The following ST18 variants were observed in gnomAD, a reference collection of about 807,000 sequenced individuals.
ST18 encodes ST18 C2H2C-type zinc finger transcription factor.
Under a neutral mutation model 110.0 loss-of-function variants are expected in ST18, and 50 were observed. That is an observed-to-expected ratio of 0.45 (90% CI 0.36 to 0.58). The LOEUF (loss-of-function observed/expected upper bound fraction) is 0.58. Ranked by LOEUF, ST18 falls within the 20% of genes least tolerant of loss-of-function variation. The pLI is 0.00. For synonymous variants in ST18, 461 were observed against 452.4 expected (o/e 1.02, Z -0.24); for missense variants, 1,306 against 1,280.1 (o/e 1.02, Z -0.31).
chr8:52,243,147 T>C (rs1166987058), intron 2 of ST18, among the ~76,000 whole-genome samples: 1 of 152,292 alleles, frequency 6.6e-6, no homozygotes, highest in South Asian at 2.1e-4. Context: ...GGTTAATTGG[T>C]GTGCTAAATA....
chr8:52,291,754 AG>A (rs2095558940), intron 2 of ST18, among the ~76,000 whole-genome samples: 2 of 151,990 alleles, frequency 1.3e-5, no homozygotes, highest in Admixed American at 6.6e-5. Context: ...TAAATAAACA[AG>A]GTTTTTTTTT....
At chr8:52,346,003 A>T (rs1160396980) in intron 2 of ST18, among the ~76,000 whole-genome samples, 1 of 152,118 alleles carries the variant, frequency 6.6e-6, no homozygotes, top group African/African-American at 2.4e-5. Context: ...CTAGAAAGAG[A>T]AAGATCAAAT....
At chr8:52,209,778 A>ATATAT (rs1279474362) in intron 8 of ST18, among the ~76,000 whole-genome samples, 2 of 136,394 alleles carry the variant, frequency 1.5e-5, no homozygotes, top group African/African-American at 5.5e-5. Flanking sequence ...CTCAAAAAAA[A>ATATAT]AAAAAAAAAA....
intron 2 of ST18, among the ~76,000 whole-genome samples, chr8:52,357,676 AATAT>A (rs71252934): frequency 0.034 from 1,285 of 37,766 alleles, 13 homozygotes; most frequent in East Asian, 0.043. Flanking sequence ...AAAATCTATA[AATAT>A]ATATATATAT....
chr8:52,259,475 A>G (rs2094617333), intron 2 of ST18, among the ~76,000 whole-genome samples: 2 of 152,210 alleles, frequency 1.3e-5, no homozygotes, highest in Non-Finnish European at 2.9e-5. Context: ...TTATATTTAT[A>G]GTCAATAAGA....
chr8:52,279,365 T>C (rs541521850), intron 2 of ST18, among the ~76,000 whole-genome samples: 8 of 152,114 alleles, frequency 5.3e-5, no homozygotes, highest in Admixed American at 6.5e-5. Flanking sequence ...ACTCAGACTA[T>C]AGCACAAACA....
intron 2 of ST18, among the ~76,000 whole-genome samples, chr8:52,347,544 G>A (rs1052509275): frequency 6.6e-6 from 1 of 151,668 alleles, no homozygotes; most frequent in Non-Finnish European, 1.5e-5. Flanking sequence ...AGAGGAGAGA[G>A]GGATAGAATA....
intron 2 of ST18, among the ~76,000 whole-genome samples, chr8:52,251,743 C>G (rs1288714533): frequency 6.6e-6 from 1 of 152,012 alleles, no homozygotes; most frequent in African/African-American, 2.4e-5. Flanking sequence ...TTAAATTTAT[C>G]CTTTCACCAG....
intron 2 of ST18, among the ~76,000 whole-genome samples, chr8:52,231,772 G>A (rs530315003): frequency 5.4e-4 from 82 of 152,356 alleles, no homozygotes; most frequent in African/African-American, 1.8e-3. Flanking sequence ...GCAGTGCCCG[G>A]CCGGGTGGCT....
chr8:52,324,057 G>A (rs920731875), intron 2 of ST18, among the ~76,000 whole-genome samples: 1 of 152,150 alleles, frequency 6.6e-6, no homozygotes, highest in Non-Finnish European at 1.5e-5. Context: ...TTGTTCCTTG[G>A]CTATGGCGAG....
In ST18 at chr8:52,212,124, A is replaced by C; in HGVS notation, c.56-15T>G. On this transcript the variant is annotated splice_polypyrimidine_tract_variant and intron_variant, in intron 7 of 25. Coordinates refer to ENST00000689386, the MANE Select transcript of ST18 (RefSeq NM_001352837.2). ...ATCCATTGGCACTGTTGACAAAAGA[A>C]GAAAAAAAAGAAGACTTAATCAGTT... 6.3e-7 allele frequency: 1 copy of C among 1,596,128 alleles called. No homozygotes were observed. The highest frequency in any genetic ancestry group is 8.5e-7 in the Non-Finnish European group (1 of 1,176,186).
chr8:52,299,773 A>G (rs1385004220), intron 2 of ST18, among the ~76,000 whole-genome samples: 5 of 152,234 alleles, frequency 3.3e-5, no homozygotes, highest in Non-Finnish European at 5.9e-5. Flanking sequence ...GTATGAACTC[A>G]GGCCAAAAGT....
chr8:52,114,222 G>A (rs1417637201), intron 25 of ST18, among the ~76,000 whole-genome samples: 4 of 151,784 alleles, frequency 2.6e-5, no homozygotes, highest in African/African-American at 9.7e-5. Flanking sequence ...CACCCGCTTC[G>A]GCCTCCCAAA....
intron 8 of ST18, among the ~76,000 whole-genome samples, chr8:52,205,396 C>T (rs2079595561): frequency 6.6e-6 from 1 of 151,808 alleles, no homozygotes. Context: ...GATAGGTCAT[C>T]ACTTGGGAGA....
intron 2 of ST18, among the ~76,000 whole-genome samples, chr8:52,310,928 G>A (rs2095895735): frequency 6.6e-6 from 1 of 152,186 alleles, no homozygotes; most frequent in African/African-American, 2.4e-5. Flanking sequence ...TGTGGCAGCA[G>A]TCACCAGGAA....
intron 8 of ST18, among the ~76,000 whole-genome samples, chr8:52,200,054 T>A (rs917484201): frequency 6.6e-6 from 1 of 152,320 alleles, no homozygotes; most frequent in South Asian, 2.1e-4. Flanking sequence ...TCCAGTGCCT[T>A]CTATAGCACT....
At chr8:52,175,376 G>C (rs936381171) in intron 9 of ST18, among the ~76,000 whole-genome samples, 1 of 152,140 alleles carries the variant, frequency 6.6e-6, no homozygotes. Context: ...TATTGAGAAG[G>C]CTCAACTCAG....
chr8:52,332,358 A>G (rs1015144213), intron 2 of ST18, among the ~76,000 whole-genome samples: 1 of 152,092 alleles, frequency 6.6e-6, no homozygotes, highest in Non-Finnish European at 1.5e-5. Context: ...TCTAAGAAAT[A>G]TCTTCAAGTG....
chr8:52,319,992 A>G (rs1803167160), intron 2 of ST18, among the ~76,000 whole-genome samples: 1 of 152,156 alleles, frequency 6.6e-6, no homozygotes, highest in South Asian at 2.1e-4. Context: ...GCCATACTTT[A>G]CTGGTTGAAA....
Sources: gnomAD v4.1 joint callset for allele counts (sites outside exome capture counted in the v4.1 genomes callset) on GRCh38, gnomAD v4.1.1 for gene constraint, MANE v1.5 for transcripts, NCBI Gene and HGNC (gene_info 2026-07-23, HGNC 2026-07-21) for gene names.